DPY19L1: variants seen among roughly 807,000 people sequenced by gnomAD.
The protein encoded by DPY19L1 is protein C-mannosyl-transferase DPY19L1.
Under a neutral mutation model 96.9 loss-of-function variants are expected in DPY19L1, and 35 were observed. The ratio of observed to expected loss-of-function variants is 0.36; its 90% CI spans 0.28 to 0.48. DPY19L1 has a LOEUF of 0.48. Ranked by LOEUF, DPY19L1 falls within the 20% of genes least tolerant of loss-of-function variation. The probability of loss-of-function intolerance (pLI) is 0.99; values close to 1 mark genes in which losing one functional copy is unlikely to be tolerated. For missense variants in DPY19L1, 521 were observed against 777.9 expected, an observed-to-expected ratio of 0.67 and a Z score of 3.93; for synonymous variants, 205 against 252.6, an observed-to-expected ratio of 0.81 and a Z score of 1.79.
chr7:35,001,329 TG>T, intron 6 of DPY19L1, among the ~76,000 whole-genome samples: 1 of 152,380 alleles, frequency 6.6e-6, no homozygotes, highest in Non-Finnish European at 1.5e-5. Flanking sequence ...CTTTCATATA[TG>T]GCAACCATAA....
intron 10 of DPY19L1, among the ~76,000 whole-genome samples, chr7:34,963,516 A>ATT (rs995812731): frequency 6.6e-6 from 1 of 152,228 alleles, no homozygotes; most frequent in African/African-American, 2.4e-5. Flanking sequence ...CTCAAAAAAT[A>ATT]TTTGTTTACC....
chr7:35,033,934 G>C (rs1483667759), intron 1 of DPY19L1, among the ~76,000 whole-genome samples: 1 of 151,928 alleles, frequency 6.6e-6, no homozygotes, highest in Non-Finnish European at 1.5e-5. Context: ...CAAGGATGCT[G>C]CTAAAATCCT....
intron 6 of DPY19L1, among the ~76,000 whole-genome samples, chr7:35,003,682 G>C (rs1204620513): frequency 6.6e-6 from 1 of 152,210 alleles, no homozygotes; most frequent in African/African-American, 2.4e-5. Context: ...GGCTCATGAC[G>C]TTGCCTACTG....
chr7:34,997,217 T>C (rs1475475769), intron 6 of DPY19L1, among the ~76,000 whole-genome samples: 1 of 151,750 alleles, frequency 6.6e-6, no homozygotes, highest in Non-Finnish European at 1.5e-5. Flanking sequence ...AAAATACTTA[T>C]CTTTTAAATA....
chr7:34,933,311 C>T (rs1460358792), intron 21 of DPY19L1, among the ~76,000 whole-genome samples: 1 of 152,222 alleles, frequency 6.6e-6, no homozygotes, highest in Non-Finnish European at 1.5e-5. Context: ...CTTCCCGAGT[C>T]CACAGTCCGT....
At chr7:35,028,847 A>G (rs2128683060) in intron 1 of DPY19L1, among the ~76,000 whole-genome samples, 1 of 152,332 alleles carries the variant, frequency 6.6e-6, no homozygotes, top group South Asian at 2.1e-4. Context: ...TCCCCTTTTT[A>G]GACCATATAG....
intron 1 of DPY19L1, among the ~76,000 whole-genome samples, chr7:35,033,211 TTTTC>T (rs1413719049): frequency 3.9e-5 from 6 of 152,340 alleles, no homozygotes; most frequent in South Asian, 2.1e-4. Flanking sequence ...GGCTGACATC[TTTTC>T]TTTCTATCGG....
At chr7:35,037,904 G>A, upstream of DPY19L1, 1 of 1,239,212 alleles carries the variant, frequency 8.1e-7, no homozygotes, top group Non-Finnish European at 1.0e-6. Context: ...CATTGTGGGA[G>A]TGATGGGGCC....
At chr7:34,961,165 G>C (rs1784493156) in intron 10 of DPY19L1, among the ~76,000 whole-genome samples, 1 of 152,088 alleles carries the variant, frequency 6.6e-6, no homozygotes, top group Non-Finnish European at 1.5e-5. Flanking sequence ...TTTATATGGA[G>C]ATATAAACAA....
chr7:34,999,930 C>A (rs1785382372), intron 6 of DPY19L1, among the ~76,000 whole-genome samples: 2 of 152,092 alleles, frequency 1.3e-5, no homozygotes, highest in Non-Finnish European at 2.9e-5. Flanking sequence ...TGCTGAGTTT[C>A]CAAAGATCTG....
chr7:34,940,578 A>C (rs148285405), intron 18 of DPY19L1, among the ~76,000 whole-genome samples: 1 of 152,046 alleles, frequency 6.6e-6, no homozygotes. Flanking sequence ...GATTCAAGTA[A>C]AGCCACAACC....
intron 1 of DPY19L1, among the ~76,000 whole-genome samples, chr7:35,020,468 T>C (rs1014980995): frequency 3.9e-5 from 6 of 152,228 alleles, no homozygotes; most frequent in African/African-American, 1.4e-4. Context: ...TGTTTTTCGA[T>C]AGTCCTTGAG....
At chr7:35,013,469 A>G in intron 4 of DPY19L1, 99 bp downstream of exon 4, 1 of 894,062 alleles carries the variant, frequency 1.1e-6, no homozygotes, top group South Asian at 1.8e-5. Context: ...AATTAAATAC[A>G]ATTTAATATA....
intron 14 of DPY19L1, 129 bp from the exon 15 acceptor site, chr7:34,947,830 G>A (rs1401805419): frequency 1.0e-5 from 7 of 694,390 alleles, no homozygotes; most frequent in Non-Finnish European, 1.7e-5. Context: ...CTCACTGACT[G>A]CCATCATAAA....
intron 6 of DPY19L1, 127 bp from the exon 7 acceptor site, chr7:34,990,068 A>G: frequency 2.0e-6 from 1 of 511,760 alleles, no homozygotes; most frequent in Non-Finnish European, 3.3e-6. Context: ...GAACTCTCCT[A>G]TGCTTATTTA....
At chr7:34,983,879 A>G (rs1277308784) in intron 7 of DPY19L1, among the ~76,000 whole-genome samples, 1 of 152,226 alleles carries the variant, frequency 6.6e-6, no homozygotes, top group African/African-American at 2.4e-5. Context: ...AAAAGTGTTC[A>G]ATGAACAAAG....
At chr7:34,973,700 A>G (rs1784775521) in intron 7 of DPY19L1, 95 bp from the exon 8 acceptor site, 1 of 621,834 alleles carries the variant, frequency 1.6e-6, no homozygotes, top group Non-Finnish European at 2.4e-6. Context: ...ATTTTTAACA[A>G]ATAATTTAAA....
chr7:35,008,040 C>G (rs1210882185), intron 6 of DPY19L1, among the ~76,000 whole-genome samples: 3 of 151,986 alleles, frequency 2.0e-5, no homozygotes, highest in African/African-American at 4.8e-5. Context: ...TGCTTATTAC[C>G]TGCTTTCCAC....
chr7:35,003,121 A>T (rs167893), intron 6 of DPY19L1, among the ~76,000 whole-genome samples: 41,616 of 152,142 alleles, frequency 0.27, 5,811 homozygotes, highest in Non-Finnish European at 0.31. Context: ...CCAAACAGTG[A>T]ACCAAATACG....
Sources: allele counts gnomAD v4.1 joint callset (sites outside exome capture counted in the v4.1 genomes callset), GRCh38; gene constraint gnomAD v4.1.1; transcripts MANE v1.5; gene names NCBI Gene and HGNC (gene_info 2026-07-23, HGNC 2026-07-21).